The following LINGO2 variants were observed in gnomAD, a reference collection of about 807,000 sequenced individuals.
LINGO2 encodes the protein leucine-rich repeat and immunoglobulin-like domain-containing nogo receptor-interacting protein 2.
LINGO2 carries 14 observed loss-of-function variants against 30.6 expected under a neutral mutation model. That is an observed-to-expected ratio of 0.46 (90% CI 0.30 to 0.72). The LOEUF (loss-of-function observed/expected upper bound fraction) is 0.72, where lower values mean the gene tolerates loss of function less well. Among genes scored for constraint, LINGO2 ranks in the 30% least tolerant of loss-of-function variants. The probability of loss-of-function intolerance (pLI) is 0.07; values close to 1 mark genes in which losing one functional copy is unlikely to be tolerated. For synonymous variants in LINGO2, 317 were observed against 288.5 expected (o/e 1.10, Z -1.00); for missense variants, 729 against 751.7 (o/e 0.97, Z 0.35).
At chr9:28,004,025 C>A (rs1822125634) in intron 5 of LINGO2, among the ~76,000 whole-genome samples, 1 of 152,072 alleles carries the variant, frequency 6.6e-6, no homozygotes, top group Non-Finnish European at 1.5e-5. Context: ...TAATTTAACC[C>A]AAAGGTGACA....
intron 1 of LINGO2, among the ~76,000 whole-genome samples, chr9:28,552,056 G>C (rs565521077): frequency 6.6e-6 from 1 of 151,686 alleles, no homozygotes; most frequent in South Asian, 2.1e-4. Flanking sequence ...AGTAATAATC[G>C]CTAACTGTCA....
chr9:28,558,430 G>A (rs1266219472), intron 1 of LINGO2, among the ~76,000 whole-genome samples: 1 of 151,934 alleles, frequency 6.6e-6, no homozygotes, highest in East Asian at 1.9e-4. Flanking sequence ...TTTCAGTTTT[G>A]TATTCCTATC....
intron 1 of LINGO2, among the ~76,000 whole-genome samples, chr9:28,637,230 T>C (rs988183212): frequency 1.3e-5 from 2 of 152,190 alleles, no homozygotes; most frequent in Admixed American, 1.3e-4. Flanking sequence ...TGTAGCCTTG[T>C]AGTATAGTTT....
the LINGO2 span, among the ~76,000 whole-genome samples, chr9:28,756,532 A>G: frequency 6.6e-6 from 1 of 151,930 alleles, no homozygotes; most frequent in Non-Finnish European, 1.5e-5. Context: ...GATATTGGGG[A>G]GAGAAATGGG....
chr9:28,497,315 T>A (rs1819674134), intron 1 of LINGO2, among the ~76,000 whole-genome samples: 2 of 152,214 alleles, frequency 1.3e-5, no homozygotes, highest in South Asian at 4.1e-4. Flanking sequence ...ACAGATTTGG[T>A]CTTTTCACAT....
At chr9:27,953,112 T>C (rs1050997809) in intron 5 of LINGO2, among the ~76,000 whole-genome samples, 1 of 152,082 alleles carries the variant, frequency 6.6e-6, no homozygotes, top group Non-Finnish European at 1.5e-5. Context: ...GTATGTAGTT[T>C]TTGCCTGTCA....
At chr9:28,646,927 G>A (rs1046350665) in intron 1 of LINGO2, among the ~76,000 whole-genome samples, 9 of 151,966 alleles carry the variant, frequency 5.9e-5, no homozygotes, top group South Asian at 4.2e-4. Context: ...GCTAATCACC[G>A]AATGCATTGA....
chr9:28,852,838 G>A, the LINGO2 span, among the ~76,000 whole-genome samples: 17 of 151,996 alleles, frequency 1.1e-4, 1 homozygote, highest in South Asian at 3.5e-3. Flanking sequence ...ATCTCAAAAG[G>A]ATACAGTCCT....
the LINGO2 span, among the ~76,000 whole-genome samples, chr9:28,948,534 C>A: frequency 1.3e-5 from 2 of 152,040 alleles, no homozygotes; most frequent in Admixed American, 1.3e-4. Context: ...CACACAGATA[C>A]ATATATGCAC....
the LINGO2 span, among the ~76,000 whole-genome samples, chr9:28,888,122 T>C: frequency 1.3e-5 from 2 of 152,212 alleles, no homozygotes; most frequent in East Asian, 3.9e-4. Flanking sequence ...TTTGAAAGTA[T>C]TTAGGTATGA....
intron 4 of LINGO2, among the ~76,000 whole-genome samples, chr9:28,070,933 T>G (rs80211972): frequency 0.032 from 4,817 of 152,272 alleles, 131 homozygotes; most frequent in Admixed American, 0.083. Context: ...CAGGCTGGTA[T>G]CAAACTCCTG....
chr9:28,798,981 A>C, the LINGO2 span, among the ~76,000 whole-genome samples: 1 of 152,162 alleles, frequency 6.6e-6, no homozygotes, highest in East Asian at 1.9e-4. Flanking sequence ...AGTGGTGAGA[A>C]GGAGGAACAG....
chr9:28,120,718 T>A (rs1235909066), intron 4 of LINGO2, among the ~76,000 whole-genome samples: 2 of 152,194 alleles, frequency 1.3e-5, no homozygotes, highest in East Asian at 3.9e-4. Flanking sequence ...GTGTAGTTCC[T>A]TGTTAAATTC....
At chr9:28,994,514 A>G in the LINGO2 span, among the ~76,000 whole-genome samples, 5 of 151,368 alleles carry the variant, frequency 3.3e-5, no homozygotes, top group Non-Finnish European at 7.4e-5. Context: ...ATTGGAAAAA[A>G]CTACTTTAAA....
chr9:28,240,498 A>C (rs4601426), intron 4 of LINGO2, among the ~76,000 whole-genome samples: 29,509 of 152,120 alleles, frequency 0.19, 3,224 homozygotes, highest in East Asian at 0.33. Flanking sequence ...ACACACCTGC[A>C]GTAAACACAT....
chr9:29,145,731 T>C, the LINGO2 span, among the ~76,000 whole-genome samples: 8 of 152,186 alleles, frequency 5.3e-5, no homozygotes, highest in Non-Finnish European at 8.8e-5. Flanking sequence ...AGTAAGCATA[T>C]GAAAGTGTAA....
the LINGO2 span, among the ~76,000 whole-genome samples, chr9:28,793,380 T>G: frequency 2.6e-5 from 4 of 152,218 alleles, no homozygotes; most frequent in Admixed American, 6.5e-5. Flanking sequence ...TCAGGCTACA[T>G]TTTCCATAGT....
chr9:29,096,746 A>T, the LINGO2 span, among the ~76,000 whole-genome samples: 7 of 140,414 alleles, frequency 5.0e-5, 3 homozygotes, highest in East Asian at 1.7e-3. Context: ...TTGGTTTTCC[A>T]CTTTGGACAA....
intron 4 of LINGO2, among the ~76,000 whole-genome samples, chr9:28,245,758 G>A (rs1821974566): frequency 1.3e-5 from 2 of 152,044 alleles, no homozygotes; most frequent in Non-Finnish European, 2.9e-5. Flanking sequence ...AACTCTTCAA[G>A]GAGAACTACA....
Sources: gnomAD v4.1 joint callset for allele counts (sites outside exome capture counted in the v4.1 genomes callset) on GRCh38, gnomAD v4.1.1 for gene constraint, MANE v1.5 for transcripts, NCBI Gene and HGNC (gene_info 2026-07-23, HGNC 2026-07-21) for gene names.